SP3: variants seen among roughly 807,000 people sequenced by gnomAD.
SP3 encodes the protein Sp3 transcription factor.
SP3 carries 10 observed loss-of-function variants against 70.3 expected under a neutral mutation model. The observed-to-expected ratio is 0.14, with a 90% CI of 0.09 to 0.24. SP3 has a LOEUF of 0.24. SP3 is among the 10% of genes least tolerant of loss of function. SP3 has a pLI of 1.00. For missense variants in SP3, 825 were observed against 914.6 expected, an observed-to-expected ratio of 0.90 and a Z score of 1.26; for synonymous variants, 402 against 333.5, an observed-to-expected ratio of 1.21 and a Z score of -2.24.
chr2:173,944,304 C>A (rs539524039), intron 4 of SP3, among the ~76,000 whole-genome samples: 127 of 152,336 alleles, frequency 8.3e-4, no homozygotes, highest in Non-Finnish European at 1.5e-3. Flanking sequence ...GAGGCCAAGG[C>A]AAGCGGACTG....
rs1462822892 is a variant in SP3 at position 173,906,445 on chromosome 2, C to T, written c.*3496G>A. On this transcript the variant is annotated 3_prime_UTR_variant, in exon 7 of 7. Transcript: ENST00000310015. ...TTGTCAGACAACAAAAGACTTAGTA[C>T]TCATTCATGGCAGTCAGTTTTAAAC... The T allele has an allele frequency of 3.3e-5, 5 of 152,124 alleles. No homozygotes were observed. Among genetic ancestry groups the T allele is most frequent in the African/African-American group, 7.2e-5 (3 of 41,416 alleles). The allele number at this position is 152,124 out of a possible 1,614,324, so 9.4% of individuals were successfully genotyped here. A position where few individuals can be genotyped will look rare whatever the true frequency, so the allele number is the denominator to read the frequency against.
At position 173,932,628 on chromosome 2, in the gene SP3, C is replaced by T. The variant is rs374151163; in HGVS notation, c.1640-13843G>A. On this transcript the variant is annotated intron_variant, in intron 4 of 6. Transcript: ENST00000310015. ...AGTTCACCTTCTATGGGTGCATGGT[C>T]TGTTGTGCCCCAAGACAATTACAAC... 3.9e-5 allele frequency among the ~76,000 whole-genome samples: 6 copies of T among 152,208 alleles called. 1 individual carries two copies. The East Asian group carries it at 1.2e-3, about 29-fold the overall frequency.
intron 4 of SP3, among the ~76,000 whole-genome samples, chr2:173,942,759 T>G (rs1311168094): frequency 6.6e-6 from 1 of 152,184 alleles, no homozygotes; most frequent in Non-Finnish European, 1.5e-5. Context: ...CCCTAGATTT[T>G]CTTCATTACT....
rs139633307 is a variant in SP3, at chr2:173,945,258, C to CT, written c.1639+9614dup. ...CACAATGCATTTTAGATCTTCTAGT[C>CT]TAAGAAAGTATAATTTAAAATACCC... On this transcript the variant is annotated intron_variant, in intron 4 of 6. Transcript: ENST00000310015. Among the ~76,000 whole-genome samples, 532 of 152,248 alleles carry CT rather than the reference C, an allele frequency of 3.5e-3. 6 individuals are homozygous for CT. Among genetic ancestry groups the CT allele is most frequent in the African/African-American group, 0.012 (505 of 41,546 alleles).
intron 4 of SP3, among the ~76,000 whole-genome samples, chr2:173,944,224 T>G (rs1052351794): frequency 1.3e-5 from 2 of 152,194 alleles, no homozygotes; most frequent in Admixed American, 1.3e-4. Context: ...ACGTCACATG[T>G]TAAGTACCTT....
chr2:173,910,056 G>C lies in SP3; in HGVS notation c.2231C>G (p.Ser744Cys). 3.1e-6 allele frequency: 5 copies of C among 1,612,864 alleles called. No individual in the cohort carries two copies. Among genetic ancestry groups the C allele is most frequent in the Non-Finnish European group, 4.2e-6 (5 of 1,179,504 alleles). Residue 744 changes from serine to cysteine, a missense_variant, in exon 7 of 7, where the codon TCT becomes TGT. By Grantham distance (112) the Ser-to-Cys change is moderately radical. This residue lies in a region of SP3 where 91 missense variants were observed against 97.4 expected (regional missense o/e 0.93). Transcript: ENST00000310015. ...TLILANIQQG[S>C]VSGIGTVNTS... Reference sequence around the variant, plus strand: ...ATTAACAGTTCCTATCCCTGAAACAGAACCTTGTTGAATATTTGCAAGGAT... The same window carrying C: ...ATTAACAGTTCCTATCCCTGAAACACAACCTTGTTGAATATTTGCAAGGAT...
At position 173,963,888 on chromosome 2, in the gene SP3, C is replaced by A. The variant is rs1032538108; in HGVS notation, c.157-5G>T. The A allele has an allele frequency of 6.7e-7, 1 of 1,497,978 alleles. No individual in the cohort carries two copies. The highest frequency in any genetic ancestry group is 1.3e-5 in the South Asian group (1 of 79,204). The allele number at this position is 1,497,978 out of a possible 1,614,324, so 92.8% of individuals were successfully genotyped here. A position where few individuals can be genotyped will look rare whatever the true frequency, so the allele number is the denominator to read the frequency against. ...GAGCGGTGACGGCTGAGTGTCCTAC[C>A]CCCAATGGGCGGGTTCAGAGAGGGA... On this transcript the variant is annotated splice_region_variant and splice_polypyrimidine_tract_variant and intron_variant, in intron 2 of 6. Transcript: ENST00000310015.
At chr2:173,965,016 A>G (rs1390799900) in intron 1 of SP3, 149 bp downstream of exon 1, 35 of 966,820 alleles carry the variant, frequency 3.6e-5, no homozygotes, top group Admixed American at 5.9e-5. Context: ...GAGGGGAGGG[A>G]GGCGCAGGGG....
At chr2:173,948,165 A>C (rs1690600516) in intron 4 of SP3, among the ~76,000 whole-genome samples, 1 of 152,214 alleles carries the variant, frequency 6.6e-6, no homozygotes, top group Non-Finnish European at 1.5e-5. Context: ...CTAATTAAAT[A>C]GGATGTAATT....
rs1689262319 is a variant in SP3, at chr2:173,904,524, G to A, written c.*5417C>T. Among the ~76,000 whole-genome samples, 1 of 152,218 alleles carries A rather than the reference G, an allele frequency of 6.6e-6. No individual in the cohort carries two copies. The highest frequency in any genetic ancestry group is 1.5e-5 in the Non-Finnish European group (1 of 68,022). ...AAGACACTGGAACAAACACTGCCAA[G>A]TTATCAGGAATCAAGAAAGCCATTT... On this transcript the variant is annotated 3_prime_UTR_variant, in exon 7 of 7. Transcript: ENST00000310015.
intron 3 of SP3, among the ~76,000 whole-genome samples, chr2:173,960,109 G>A (rs1418557047): frequency 6.6e-6 from 1 of 152,194 alleles, no homozygotes; most frequent in African/African-American, 2.4e-5. Flanking sequence ...GGTTGAGGCT[G>A]CAGTGAGTTG....
chr2:173,940,769 T>C (rs1321469841), intron 4 of SP3, among the ~76,000 whole-genome samples: 2 of 152,302 alleles, frequency 1.3e-5, no homozygotes, highest in Non-Finnish European at 2.9e-5. Flanking sequence ...TCATACCTTC[T>C]TCCTTCTCAA....
rs767453209 is a variant in SP3, at chr2:173,902,800, A to T, written c.*7141T>A. 2.0e-5 allele frequency among the ~76,000 whole-genome samples: 3 copies of T among 152,246 alleles called. No individual in the cohort carries two copies. The highest frequency in any genetic ancestry group is 4.4e-5 in the Non-Finnish European group (3 of 68,044). Reference sequence around the variant, plus strand: ...ATATAATAAGGATATAAAACCACTCATGGTATCATTCTGATAAACATCAAA... The same window carrying T: ...ATATAATAAGGATATAAAACCACTCTTGGTATCATTCTGATAAACATCAAA... On this transcript the variant is annotated 3_prime_UTR_variant, in exon 7 of 7. Coordinates refer to ENST00000310015, the MANE Select transcript of SP3 (RefSeq NM_003111.5).
chr2:173,933,649 T>C (rs967716392), intron 4 of SP3, among the ~76,000 whole-genome samples: 12 of 135,590 alleles, frequency 8.9e-5, no homozygotes, highest in Admixed American at 2.2e-4. Context: ...TATATATATA[T>C]ATATATATAT....
chr2:173,935,436 G>C (rs1003530354), intron 4 of SP3, among the ~76,000 whole-genome samples: 9 of 152,114 alleles, frequency 5.9e-5, no homozygotes, highest in African/African-American at 2.2e-4. Context: ...CAAACTATCT[G>C]AGTGCAAACT....
Position 173,955,541 on chromosome 2 carries a change from T to G in SP3, c.971A>C (p.Asn324Thr). 1 of 1,614,128 alleles carries G rather than the reference T, an allele frequency of 6.2e-7. No individual in the cohort carries two copies. Among genetic ancestry groups the G allele is most frequent in the Non-Finnish European group, 8.5e-7 (1 of 1,180,038 alleles). Residue 324 changes from asparagine to threonine, a missense_variant, in exon 4 of 7, where the codon AAT becomes ACT. By Grantham distance (65) the Asn-to-Thr change is moderately conservative (BLOSUM62 0). Around this residue, in one of 4 missense-constraint regions of SP3, gnomAD observed 678 missense variants for 651.6 expected, o/e 1.04. Transcript: ENST00000310015. ...TGGCACAAATAAATCTGTATCAGTA[T>G]TAGTTTCATTAATATCAGGAGAAAC... The part of the protein sequence containing the change: ...ERVSPDINET[N>T]TDTDLFVPTS...
In SP3 at chr2:173,955,822, C is replaced by T. The variant is rs771000118; in HGVS notation, c.690G>A (p.Gln230=). The T allele has an allele frequency of 7.4e-6, 12 of 1,614,092 alleles. No homozygotes were observed. Among genetic ancestry groups the T allele is most frequent in the Non-Finnish European group, 9.3e-6 (11 of 1,180,034 alleles). Residue 230 remains glutamine, a synonymous_variant, in exon 4 of 7, where the codon CAG becomes CAA. Coordinates refer to ENST00000310015, the MANE Select transcript of SP3 (RefSeq NM_003111.5). ...CTCCCTGAACCTGGACTTGACCAGT[C>T]TGTGGTATGAGATTCTGGATGTTAG... ...PSANIQNLIP[Q]TGQVQVQGVA... is the part of the protein sequence containing the mutation.
intron 4 of SP3, among the ~76,000 whole-genome samples, chr2:173,947,843 AAACTCATATAT>A (rs2105490002): frequency 6.6e-6 from 1 of 152,260 alleles, no homozygotes; most frequent in East Asian, 1.9e-4. Context: ...GCAAGCCCCA[AAACTCATATAT>A]AACTCTTGTA....
chr2:173,962,369 GTTT>G (rs1338095608), intron 3 of SP3, among the ~76,000 whole-genome samples: 1 of 152,286 alleles, frequency 6.6e-6, no homozygotes, highest in East Asian at 1.9e-4. Context: ...TTATGCAGTA[GTTT>G]TTTAAGATAC....
Sources: allele counts gnomAD v4.1 joint callset (sites outside exome capture counted in the v4.1 genomes callset), GRCh38; gene constraint gnomAD v4.1.1; regional missense constraint gnomAD v4.1.1; transcripts MANE v1.5; gene names NCBI Gene and HGNC (gene_info 2026-07-23, HGNC 2026-07-21).